Variants in KCNQ1 observed in about 807,000 individuals in gnomAD.
KCNQ1 encodes the protein potassium voltage-gated channel subfamily Q member 1.
In KCNQ1, 49 loss-of-function variants were observed where a neutral mutation model predicts 72.4. That is an observed-to-expected ratio of 0.68 (90% CI 0.54 to 0.86). KCNQ1 has a LOEUF of 0.86. Among genes scored for constraint, KCNQ1 ranks in the 40% least tolerant of loss-of-function variants. The pLI, the probability that KCNQ1 is intolerant of heterozygous loss-of-function variation, is 0.00. For synonymous variants in KCNQ1, 450 were observed against 412.6 expected (o/e 1.09, Z -1.10); for missense variants, 790 against 945.1 (o/e 0.84, Z 2.15).
chr11:2,636,510 C>G (rs1849467389), intron 10 of KCNQ1: 1 of 152,130 alleles, frequency 6.6e-6, no homozygotes, highest in Non-Finnish European at 1.5e-5. Flanking sequence ...TATGTTGAAC[C>G]AGCCTTGCAT....
chr11:2,625,574 TG>T (rs1191860321), intron 10 of KCNQ1: 1 of 364,598 alleles, frequency 2.7e-6, no homozygotes, highest in Non-Finnish European at 4.6e-6. Context: ...CCAAGTCCTT[TG>T]CCCTTTTTTT....
intron 1 of KCNQ1, chr11:2,461,545 G>A (rs1589892604): frequency 7.4e-7 from 1 of 1,349,462 alleles, no homozygotes; most frequent in East Asian, 4.6e-5. Flanking sequence ...GATGGCACTG[G>A]TGCCGGGCCT....
intron 11 of KCNQ1, among the ~76,000 whole-genome samples, chr11:2,756,442 A>T (rs751269833): frequency 7.9e-4 from 17 of 21,508 alleles, no homozygotes; most frequent in African/African-American, 2.5e-3. Flanking sequence ...TACTAAAATT[A>T]AAAAAAAAAA....
chr11:2,800,299 AG>A lies in KCNQ1; in HGVS notation c.1794+22267del, dbSNP rs531550070. Among the ~76,000 whole-genome samples, 18 of 152,322 alleles carry A rather than the reference AG, an allele frequency of 1.2e-4. No individual in the cohort carries two copies. In the East Asian group the frequency reaches 3.3e-3, roughly 28 times the overall value. On this transcript the variant is annotated intron_variant, in intron 15 of 15. Transcript: ENST00000155840. ...CCCCCAGCAGGGTAACCCTGCAAAG[AG>A]GGGGCTGACAGCCGTTCCTGCTTCC...
At chr11:2,476,275 T>C (rs1041599610) in intron 1 of KCNQ1, among the ~76,000 whole-genome samples, 25 of 152,172 alleles carry the variant, frequency 1.6e-4, no homozygotes, top group African/African-American at 5.8e-4. Context: ...TTTCAACGTA[T>C]GTTTAAAATA....
chr11:2,571,019 C>T (rs1848325366), intron 3 of KCNQ1, among the ~76,000 whole-genome samples: 1 of 152,186 alleles, frequency 6.6e-6, no homozygotes, highest in East Asian at 1.9e-4. Flanking sequence ...TCATGGTGGG[C>T]CAGTCACCCT....
At chr11:2,472,919 G>A (rs1349163150) in intron 1 of KCNQ1, among the ~76,000 whole-genome samples, 1 of 151,972 alleles carries the variant, frequency 6.6e-6, no homozygotes, top group Non-Finnish European at 1.5e-5. Flanking sequence ...GATACTCCAG[G>A]GCCCCCCATC....
chr11:2,502,254 T>A (rs2133645757), intron 1 of KCNQ1, among the ~76,000 whole-genome samples: 1 of 152,298 alleles, frequency 6.6e-6, no homozygotes, highest in East Asian at 1.9e-4. Context: ...AGAAGTCAAA[T>A]TATCCTTGTT....
In KCNQ1 at chr11:2,663,590, C is replaced by T; in HGVS notation, c.1514+1509C>T. On this transcript the variant is annotated intron_variant, in intron 11 of 15. Coordinates refer to ENST00000155840, the MANE Select transcript of KCNQ1 (RefSeq NM_000218.3). The surrounding 1 kb of genome is among the most constrained non-coding windows in gnomAD (Gnocchi z 5.2). ...CTTGCTTCTCCTGTTGGAGCTCTCG[C>T]TCACCTTGGTTCTCTTGGTCACGGA... 2 of 398,702 alleles carry T rather than the reference C, an allele frequency of 5.0e-6. No individual in the cohort carries two copies. The highest frequency in any genetic ancestry group is 8.8e-5 in the Admixed American group (2 of 22,740). The allele number at this position is 398,702 out of a possible 1,614,324, so 24.7% of individuals were successfully genotyped here. A position where few individuals can be genotyped will look rare whatever the true frequency, so the allele number is the denominator to read the frequency against.
intron 11 of KCNQ1, among the ~76,000 whole-genome samples, chr11:2,749,913 T>A (rs1319832092): frequency 6.6e-6 from 1 of 150,932 alleles, no homozygotes; most frequent in Non-Finnish European, 1.5e-5. Context: ...TGAGTTGAGA[T>A]CATGCCACTG....
Position 2,668,144 on chromosome 11 carries a change from G to A in KCNQ1, c.1514+6063G>A, listed in dbSNP as rs1355967379. ...CTGGCAGCCTCTCTATGGGGCTGAA[G>A]GGAGAGTGCTCCCTCATGCTCCTTG... is the stretch of plus-strand genomic sequence containing the variant. On this transcript the variant is annotated intron_variant, in intron 11 of 15. Transcript: ENST00000155840. This position sits in a 1 kb window ranked among gnomAD's most constrained non-coding sequence, Gnocchi z 4.3. 7.5e-6 allele frequency: 3 copies of A among 398,516 alleles called. No individual in the cohort carries two copies. The highest frequency in any genetic ancestry group is 7.1e-5 in the East Asian group (2 of 28,092). The allele number at this position is 398,516 out of a possible 1,614,324, so 24.7% of individuals were successfully genotyped here. A position where few individuals can be genotyped will look rare whatever the true frequency, so the allele number is the denominator to read the frequency against.
At chr11:2,672,002 G>A in intron 11 of KCNQ1, 1 of 398,652 alleles carries the variant, frequency 2.5e-6, no homozygotes, top group Non-Finnish European at 4.4e-6. Context: ...AAGTCCTCGA[G>A]TGTATGTTGG....
chr11:2,517,057 T>A (rs1847299823), intron 1 of KCNQ1, among the ~76,000 whole-genome samples: 1 of 152,152 alleles, frequency 6.6e-6, no homozygotes, highest in African/African-American at 2.4e-5. Flanking sequence ...AAAGGAGGGA[T>A]CAGGGCCCAG....
chr11:2,815,682 G>T lies in KCNQ1; in HGVS notation c.1795-32085G>T, dbSNP rs1847598665. Among the ~76,000 whole-genome samples, 1 of 151,980 alleles carries T rather than the reference G, an allele frequency of 6.6e-6. No individual in the cohort carries two copies. The highest frequency in any genetic ancestry group is 2.4e-5 in the African/African-American group (1 of 41,370). ...CAGGCTGACCCCAGTCCCTCCCTAT[G>T]CAGGCAGAGGGGCAATTGGAAGAGG... On this transcript the variant is annotated intron_variant, in intron 15 of 15. Coordinates refer to ENST00000155840, the MANE Select transcript of KCNQ1 (RefSeq NM_000218.3). This position sits in a 1 kb window ranked among gnomAD's most constrained non-coding sequence, Gnocchi z 5.4.
chr11:2,701,633 A>G (rs748423181), intron 11 of KCNQ1, among the ~76,000 whole-genome samples: 131 of 152,220 alleles, frequency 8.6e-4, no homozygotes, highest in Admixed American at 1.6e-3. Context: ...TCTGAGGGGA[A>G]AATGGAGCTT....
rs1391378874 is a variant in KCNQ1, at chr11:2,621,424, C to G, written c.1393+32570C>G. On this transcript the variant is annotated intron_variant, in intron 10 of 15. Coordinates refer to ENST00000155840, the MANE Select transcript of KCNQ1 (RefSeq NM_000218.3). The surrounding 1 kb of genome is among the most constrained non-coding windows in gnomAD (Gnocchi z 5.7). ...TTTTGCTTGTTGATTGGTTTAAGTT[C>G]CTTATGGATTCTGGACATAGGACCT... 2.5e-6 allele frequency: 1 copy of G among 398,420 alleles called. No homozygotes were observed. Among genetic ancestry groups the G allele is most frequent in the East Asian group, 3.6e-5 (1 of 28,078 alleles). 24.7% of individuals were successfully genotyped at this position (398,420 alleles called of 1,614,324 possible). A position where few individuals can be genotyped will look rare whatever the true frequency, so the allele number is the denominator to read the frequency against.
At chr11:2,533,224 A>G (rs1324737197) in intron 2 of KCNQ1, among the ~76,000 whole-genome samples, 1 of 152,200 alleles carries the variant, frequency 6.6e-6, no homozygotes, top group African/African-American at 2.4e-5. Context: ...CAGCACTGCT[A>G]AGGAAACCCC....
rs1019951325 is a variant in KCNQ1, at chr11:2,516,587, G to A, written c.387-11341G>A. ...TGTTGGGTGCTCCTGATTGTGTAGCGGGTCCCCTGAAACCAACACACAGGT... is the reference window on the plus strand; with the variant it reads ...TGTTGGGTGCTCCTGATTGTGTAGCAGGTCCCCTGAAACCAACACACAGGT... On this transcript the variant is annotated intron_variant, in intron 1 of 15. Transcript: ENST00000155840. This position sits in a 1 kb window ranked among gnomAD's most constrained non-coding sequence, Gnocchi z 7.0. Among the ~76,000 whole-genome samples the A allele has an allele frequency of 6.6e-5, 10 of 152,158 alleles. No homozygotes were observed. The highest frequency in any genetic ancestry group is 1.9e-4 in the African/African-American group (8 of 41,502).
At chr11:2,675,244 C>T (rs1850272553) in intron 11 of KCNQ1, 4 of 398,586 alleles carry the variant, frequency 1.0e-5, no homozygotes, top group East Asian at 3.6e-5. Context: ...AGCTCCCAAG[C>T]AGTACTGTTT....
Sources: allele counts gnomAD v4.1 joint callset (sites outside exome capture counted in the v4.1 genomes callset), GRCh38; gene constraint gnomAD v4.1.1; non-coding constraint Gnocchi (gnomAD v3.1); transcripts MANE v1.5; gene names NCBI Gene and HGNC (gene_info 2026-07-23, HGNC 2026-07-21).